The following FAT3 variants were observed in gnomAD, a reference collection of about 807,000 sequenced individuals.
FAT3 encodes the protein FAT atypical cadherin 3.
In FAT3, 95 loss-of-function variants were observed where a neutral mutation model predicts 310.2. The observed-to-expected ratio is 0.31, with a 90% CI of 0.26 to 0.36. The LOEUF (loss-of-function observed/expected upper bound fraction) is 0.36, where lower values mean the gene tolerates loss of function less well. Among genes scored for constraint, FAT3 ranks in the 10% least tolerant of loss-of-function variants. The pLI is 1.00. For synonymous variants in FAT3, 2,314 were observed against 2,192.9 expected (o/e 1.06, Z -1.54); for missense variants, 5,408 against 5,715.6 (o/e 0.95, Z 1.74).
chr11:92,443,592 A>T (rs1444976299), intron 2 of FAT3, among the ~76,000 whole-genome samples: 1 of 152,348 alleles, frequency 6.6e-6, no homozygotes, highest in South Asian at 2.1e-4. Flanking sequence ...CGCCAAGACT[A>T]GTCTGGCAGA....
intron 2 of FAT3, among the ~76,000 whole-genome samples, chr11:92,371,361 T>G (rs1277666978): frequency 6.6e-6 from 1 of 152,252 alleles, no homozygotes; most frequent in Non-Finnish European, 1.5e-5. Context: ...AACTAGAATC[T>G]GAAGGCTTAA....
At chr11:92,451,470 A>G (rs1214404945) in intron 2 of FAT3, among the ~76,000 whole-genome samples, 2 of 152,178 alleles carry the variant, frequency 1.3e-5, no homozygotes, top group African/African-American at 4.8e-5. Context: ...CCTCTTGCAC[A>G]GTGGGGTTTG....
Position 92,354,622 on chromosome 11 carries a change from C to T in FAT3, c.2510C>T (p.Ser837Leu). 1 of 1,613,768 alleles carries T rather than the reference C, an allele frequency of 6.2e-7. No individual in the cohort carries two copies. Among genetic ancestry groups the T allele is most frequent in the South Asian group, 1.1e-5 (1 of 91,064 alleles). The change falls in exon 2 of 28, where the codon TCA becomes TTA. Residue 837 changes from serine (S) to leucine (L), a missense_variant. Ser to Leu is a moderately radical substitution (Grantham distance 145). Around this residue, in one of 5 missense-constraint regions of FAT3, gnomAD observed 4,588 missense variants for 4,809.8 expected, o/e 0.95. Coordinates refer to ENST00000525166, the MANE Select transcript of FAT3 (RefSeq NM_001367949.2). ...CCAGTTTTTATTCAAGACAGTTACT[C>T]AGTTAACATTCTTGAAAGTTCAGGC... Reference protein sequence around the residue: ...NSPVFIQDSYSVNILESSGIG... With the variant: ...NSPVFIQDSYLVNILESSGIG...
Position 92,450,464 on chromosome 11 carries a change from A to G in FAT3, c.3293-74170A>G, listed in dbSNP as rs144799875. Among the ~76,000 whole-genome samples the G allele has an allele frequency of 9.8e-4, 149 of 152,206 alleles. 3 individuals carry two copies. The highest frequency in any genetic ancestry group is 6.9e-3 in the Admixed American group (105 of 15,266). On this transcript the variant is annotated intron_variant, in intron 2 of 27. Coordinates refer to ENST00000525166, the MANE Select transcript of FAT3 (RefSeq NM_001367949.2). The stretch of plus-strand genomic sequence containing the variant: ...GAGGCTTCTTGGAAGATCTTTATGA[A>G]TGAGCTAGAGAGAGGGATTGAAGGA...
rs142403035 is a variant in FAT3 at position 92,890,632 on chromosome 11, G to A, written c.13289G>A (p.Gly4430Asp). ...CTGGAGAGCGATTACTACCTGGGTG[G>A]TTATGACATTGACAGTGAATACCCA... ...RELESDYYLG[G>D]YDIDSEYPPP... Residue 4430 changes from glycine to aspartate, a missense_variant, in exon 28 of 28, where the codon GGT becomes GAT. This residue lies in a region of FAT3 where 649 missense variants were observed against 666.2 expected (regional missense o/e 0.97). Transcript: ENST00000525166. 1.9e-3 allele frequency: 3,054 copies of A among 1,613,814 alleles called. 5 individuals carry two copies. The highest frequency in any genetic ancestry group is 2.4e-3 in the Non-Finnish European group (2,781 of 1,179,852).
chr11:92,232,124 T>C (rs1864209880), intron 1 of FAT3, among the ~76,000 whole-genome samples: 1 of 152,172 alleles, frequency 6.6e-6, no homozygotes, highest in Non-Finnish European at 1.5e-5. Flanking sequence ...ATTTTGCAGC[T>C]AGGGTTTTCT....
chr11:92,827,020 C>T (rs575786057), intron 13 of FAT3, among the ~76,000 whole-genome samples: 3 of 152,258 alleles, frequency 2.0e-5, no homozygotes, highest in African/African-American at 2.4e-5. Context: ...TGACTCTTGC[C>T]ATTTGGTTTC....
intron 16 of FAT3, 63 bp from the exon 17 acceptor site, chr11:92,837,600 G>C: frequency 6.3e-7 from 1 of 1,585,042 alleles, no homozygotes; most frequent in Middle Eastern, 2.0e-4. Flanking sequence ...CAGTTCCTCT[G>C]TGTGTGCACA....
At chr11:92,735,594 AT>A (rs1324583798) in intron 4 of FAT3, among the ~76,000 whole-genome samples, 4 of 149,792 alleles carry the variant, frequency 2.7e-5, no homozygotes, top group African/African-American at 9.8e-5. Flanking sequence ...AGATAGATAG[AT>A]AGATAGAAAT....
In FAT3 at chr11:92,882,640, C is replaced by G. The variant is rs189626376; in HGVS notation, c.12282-98C>G. On this transcript the variant is annotated intron_variant, in intron 23 of 27. Coordinates refer to ENST00000525166, the MANE Select transcript of FAT3 (RefSeq NM_001367949.2). ...CTTCATCTGTACCCTTTAGGTGCAT[C>G]GTTTTCTTTTAAAGATGTCTGTGTT... 149 of 929,610 alleles carry G rather than the reference C, an allele frequency of 1.6e-4. No individual in the cohort carries two copies. In the African/African-American group the frequency reaches 2.6e-3, roughly 16 times the overall value. 57.6% of individuals were successfully genotyped at this position (929,610 alleles called of 1,614,324 possible).
chr11:92,433,836 C>A (rs188486990), intron 2 of FAT3, among the ~76,000 whole-genome samples: 1 of 150,916 alleles, frequency 6.6e-6, no homozygotes, highest in East Asian at 1.9e-4. Context: ...TGGTGAAACC[C>A]CATCTCTGCT....
intron 3 of FAT3, among the ~76,000 whole-genome samples, chr11:92,668,112 G>A (rs747238831): frequency 2.6e-5 from 4 of 152,160 alleles, no homozygotes; most frequent in East Asian, 3.9e-4. Context: ...GGAGCAGAGC[G>A]TGTCTTTATG....
chr11:92,331,444 A>G (rs766648811), intron 1 of FAT3, among the ~76,000 whole-genome samples: 2 of 152,246 alleles, frequency 1.3e-5, no homozygotes, highest in Non-Finnish European at 2.9e-5. Flanking sequence ...AAATGCAGAT[A>G]ATGGTAAAAT....
At chr11:92,522,498 G>C (rs79785153) in intron 2 of FAT3, among the ~76,000 whole-genome samples, 1 of 152,078 alleles carries the variant, frequency 6.6e-6, no homozygotes, top group South Asian at 2.1e-4. Flanking sequence ...CTGGGTTGAC[G>C]GTTCAGGGCC....
At chr11:92,527,723 G>GCATTTCTTCCTGACTCTAAAGT (rs554041423) in intron 3 of FAT3, among the ~76,000 whole-genome samples, 156 of 152,216 alleles carry the variant, frequency 1.0e-3, no homozygotes, top group African/African-American at 3.5e-3. Flanking sequence ...TTAATTTTTG[G>GCATTTCTTCCTGACTCTAAAGT]CATTTCTTCC....
intron 2 of FAT3, among the ~76,000 whole-genome samples, chr11:92,442,360 G>T (rs2135082230): frequency 6.6e-6 from 1 of 150,574 alleles, no homozygotes; most frequent in South Asian, 2.1e-4. Flanking sequence ...TGATCTGCCT[G>T]CCTCGGCCTC....
At chr11:92,325,984 C>T (rs933669374) in intron 1 of FAT3, among the ~76,000 whole-genome samples, 2 of 152,186 alleles carry the variant, frequency 1.3e-5, no homozygotes, top group Non-Finnish European at 2.9e-5. Flanking sequence ...TTACTAAGCC[C>T]TTTCAGCTTA....
chr11:92,353,937 G>T lies in FAT3; in HGVS notation c.1825G>T (p.Glu609Ter). ...CTCAGCGATCGATATCGATGAACTTGAACTTGTAAAGTACAAAATCATTTC... is the reference window on the plus strand; with the variant it reads ...CTCAGCGATCGATATCGATGAACTTTAACTTGTAAAGTACAAAATCATTTC... ...AVSAIDIDEL[E>*]LVKYKIISGN... The change falls in exon 2 of 28, where the codon GAA (glutamate) becomes TAA (stop). Residue 609 changes from glutamate (E) to a stop codon, truncating the protein, a stop_gained. Transcript: ENST00000525166. LOFTEE classifies it high-confidence loss of function. 1.9e-6 allele frequency: 3 copies of T among 1,611,862 alleles called. No homozygotes were observed. Among genetic ancestry groups the T allele is most frequent in the South Asian group, 1.1e-5 (1 of 91,028 alleles).
At chr11:92,815,253 G>A (rs1300375844) in intron 13 of FAT3, among the ~76,000 whole-genome samples, 2 of 152,092 alleles carry the variant, frequency 1.3e-5, no homozygotes, top group Non-Finnish European at 2.9e-5. Context: ...GGGCCAAAAT[G>A]AGAGTGGTGG....
Sources: allele counts gnomAD v4.1 joint callset (sites outside exome capture counted in the v4.1 genomes callset), GRCh38; gene constraint gnomAD v4.1.1; regional missense constraint gnomAD v4.1.1; transcripts MANE v1.5; gene names NCBI Gene and HGNC (gene_info 2026-07-23, HGNC 2026-07-21).